The following TNFRSF9 variants were observed in gnomAD, a reference collection of about 807,000 sequenced individuals.
TNFRSF9 encodes the protein TNF receptor superfamily member 9.
TNFRSF9 carries 16 observed loss-of-function variants against 28.8 expected under a neutral mutation model. That is an observed-to-expected ratio of 0.55 (90% confidence interval 0.38 to 0.84). TNFRSF9 has a LOEUF of 0.84. Ranked by LOEUF, TNFRSF9 falls within the 40% of genes least tolerant of loss-of-function variation. The probability of loss-of-function intolerance (pLI) is 0.00; values close to 1 mark genes in which losing one functional copy is unlikely to be tolerated. For synonymous variants in TNFRSF9, 131 were observed against 117.0 expected, an observed-to-expected ratio of 1.12 and a Z score of -0.77; for missense variants, 303 against 315.0, an observed-to-expected ratio of 0.96 and a Z score of 0.29.
At chr1:7,939,763 A>G (rs1639874440) in intron 2 of TNFRSF9, 132 bp downstream of exon 2, 1 of 645,812 alleles carries the variant, frequency 1.5e-6, no homozygotes, top group South Asian at 2.7e-5. Context: ...GTAGCATCCA[A>G]TAAACATTTG....
chr1:7,933,978 T>C (rs924811370), intron 6 of TNFRSF9, among the ~76,000 whole-genome samples: 17 of 151,026 alleles, frequency 1.1e-4, no homozygotes, highest in African/African-American at 3.2e-4. Flanking sequence ...GATTGCGCCA[T>C]TGCACTCCAG....
rs986959716 is a variant in TNFRSF9 at position 7,920,753 on chromosome 1, CT to C, written c.*81del. 2 of 1,129,098 alleles carry C rather than the reference CT, an allele frequency of 1.8e-6. No individual in the cohort carries two copies. The highest frequency in any genetic ancestry group is 3.1e-5 in the African/African-American group (2 of 64,886). The allele number at this position is 1,129,098 out of a possible 1,614,324, so 69.9% of individuals were successfully genotyped here. On this transcript the variant is annotated 3_prime_UTR_variant, in exon 8 of 8. Transcript: ENST00000377507. Reference sequence around the variant, plus strand: ...GGTATTATGTAGGATGGTGTTCTTGCTTTTGAAAGCTGTGATAGCGGATGAC... The same window carrying C: ...GGTATTATGTAGGATGGTGTTCTTGCTTTGAAAGCTGTGATAGCGGATGAC...
chr1:7,934,795 G>C (rs1043549517), intron 6 of TNFRSF9, among the ~76,000 whole-genome samples: 1 of 152,204 alleles, frequency 6.6e-6, no homozygotes, highest in Non-Finnish European at 1.5e-5. Context: ...TATAGACTCT[G>C]TTTGGGTGAA....
chr1:7,935,091 C>A lies in TNFRSF9; in HGVS notation c.466G>T (p.Val156Leu). The A allele has an allele frequency of 1.2e-6, 2 of 1,614,220 alleles. No homozygotes were observed. The highest frequency in any genetic ancestry group is 1.7e-6 in the Non-Finnish European group (2 of 1,180,034). The stretch of plus-strand genomic sequence containing the variant: ...TCGGCTGGAGATGGTCCACAGACCA[C>A]GTCCCTCTCCTTCGTCCCATTCACA... ...VLVNGTKERD[V>L]VCGPSPADLS... The change falls in exon 6 of 8, where the codon GTG (valine) becomes TTG (leucine). Residue 156 changes from valine (V) to leucine (L), a missense_variant. By Grantham distance (32) the Val-to-Leu change is conservative (BLOSUM62 1). Transcript: ENST00000377507.
At position 7,918,550 on chromosome 1, in the gene TNFRSF9, A is replaced by G. The variant is rs1639512343; in HGVS notation, c.*2285T>C. 1 of 152,046 alleles carries G rather than the reference A, an allele frequency of 6.6e-6. No homozygotes were observed. The highest frequency in any genetic ancestry group is 1.5e-5 in the Non-Finnish European group (1 of 68,042). The allele number at this position is 152,046 out of a possible 1,614,324, so 9.4% of individuals were successfully genotyped here. ...CCCGGCTAATTTTTGTATTTTTTGT[A>G]AAGACAGGGTTTCGCCATGTTGCCA... is the stretch of plus-strand genomic sequence containing the variant. On this transcript the variant is annotated 3_prime_UTR_variant, in exon 8 of 8. Coordinates refer to ENST00000377507, the MANE Select transcript of TNFRSF9 (RefSeq NM_001561.6).
chr1:7,937,983 G>T (rs1639847322), intron 4 of TNFRSF9, among the ~76,000 whole-genome samples: 1 of 151,986 alleles, frequency 6.6e-6, no homozygotes, highest in African/African-American at 2.4e-5. Context: ...ATTAACAAAT[G>T]TTCTGATTTC....
At chr1:7,925,379 C>T (rs767593184) in intron 7 of TNFRSF9, among the ~76,000 whole-genome samples, 9 of 151,704 alleles carry the variant, frequency 5.9e-5, no homozygotes, top group Admixed American at 5.3e-4. Context: ...AGAAAGAGAA[C>T]ATTTTAAATA....
At chr1:7,940,549 C>T (rs771763494) in intron 1 of TNFRSF9, among the ~76,000 whole-genome samples, 65 of 152,200 alleles carry the variant, frequency 4.3e-4, no homozygotes, top group Non-Finnish European at 1.6e-4. Flanking sequence ...CCTCCCTGTT[C>T]AACTCACTAA....
chr1:7,940,057 A>G lies in TNFRSF9; in HGVS notation c.-63T>C. ...ATTCCAAGAGAATTTTAATCAAATTAGCTGGTCTCACAAATGTCACTCTGC... is the reference window on the plus strand; with the variant it reads ...ATTCCAAGAGAATTTTAATCAAATTGGCTGGTCTCACAAATGTCACTCTGC... On this transcript the variant is annotated 5_prime_UTR_variant, in exon 2 of 8. Coordinates refer to ENST00000377507, the MANE Select transcript of TNFRSF9 (RefSeq NM_001561.6). The G allele has an allele frequency of 8.2e-7, 1 of 1,221,770 alleles. No individual in the cohort carries two copies. The highest frequency in any genetic ancestry group is 1.2e-6 in the Non-Finnish European group (1 of 841,236). 75.7% of individuals were successfully genotyped at this position (1,221,770 alleles called of 1,614,324 possible).
At chr1:7,925,851 G>A (rs1167700974) in intron 7 of TNFRSF9, among the ~76,000 whole-genome samples, 1 of 152,106 alleles carries the variant, frequency 6.6e-6, no homozygotes, top group Non-Finnish European at 1.5e-5. Flanking sequence ...TCATGGGGAG[G>A]GGCTATAAAT....
chr1:7,925,638 G>A (rs1639640444), intron 7 of TNFRSF9, among the ~76,000 whole-genome samples: 1 of 152,256 alleles, frequency 6.6e-6, no homozygotes, highest in South Asian at 2.1e-4. Context: ...ATCAGTGGGA[G>A]CCCTGAGCTT....
Position 7,916,036 on chromosome 1 carries a change from A to G in TNFRSF9, c.*4799T>C, listed in dbSNP as rs1262118713. 2 of 152,160 alleles carry G rather than the reference A, an allele frequency of 1.3e-5. No homozygotes were observed. Among genetic ancestry groups the G allele is most frequent in the Non-Finnish European group, 2.9e-5 (2 of 68,024 alleles). 9.4% of individuals were successfully genotyped at this position (152,160 alleles called of 1,614,324 possible). ...TGGGCACCTCTCACCCACAGATGGA[A>G]ACATCTTCCTGTGGGGGAAGATGCC... is the stretch of plus-strand genomic sequence containing the variant. On this transcript the variant is annotated 3_prime_UTR_variant, in exon 8 of 8. Transcript: ENST00000377507.
chr1:7,920,746 G>A lies in TNFRSF9; in HGVS notation c.*89C>T. ...AATCCTGGGTATTATGTAGGATGGTGTTCTTGCTTTTGAAAGCTGTGATAG... is the reference window on the plus strand; with the variant it reads ...AATCCTGGGTATTATGTAGGATGGTATTCTTGCTTTTGAAAGCTGTGATAG... On this transcript the variant is annotated 3_prime_UTR_variant, in exon 8 of 8. Coordinates refer to ENST00000377507, the MANE Select transcript of TNFRSF9 (RefSeq NM_001561.6). 3 of 1,043,264 alleles carry A rather than the reference G, an allele frequency of 2.9e-6. No homozygotes were observed. Among genetic ancestry groups the A allele is most frequent in the South Asian group, 2.6e-5 (2 of 77,356 alleles). 64.6% of individuals were successfully genotyped at this position (1,043,264 alleles called of 1,614,324 possible).
chr1:7,930,114 C>T (rs972153695), intron 7 of TNFRSF9, among the ~76,000 whole-genome samples: 4 of 151,886 alleles, frequency 2.6e-5, no homozygotes, highest in African/African-American at 7.3e-5. Context: ...GGATTACAGG[C>T]ATGCACCACC....
In TNFRSF9 at chr1:7,920,304, CTT is replaced by C. The variant is rs33970118; in HGVS notation, c.*529_*530del. 1,383 of 127,514 alleles carry C rather than the reference CTT, an allele frequency of 0.011. 25 individuals are homozygous for C. The highest frequency in any genetic ancestry group is 0.035 in the African/African-American group (1,179 of 33,812). 7.9% of individuals were successfully genotyped at this position (127,514 alleles called of 1,614,324 possible). The stretch of plus-strand genomic sequence containing the variant: ...CCTGTTAAGTGGTATCTAGAAAATG[CTT>C]TTTTTTTTTTTTTTTTATCACCAGC... On this transcript the variant is annotated 3_prime_UTR_variant, in exon 8 of 8. Coordinates refer to ENST00000377507, the MANE Select transcript of TNFRSF9 (RefSeq NM_001561.6).
rs1404705615 is a variant in TNFRSF9, at chr1:7,918,146, GC to G, written c.*2688del. ...TTACAGGCACCCGCCACCATACCCAGCTAAGTTTTGTACATGTTTAGTAGAG... is the reference window on the plus strand; with the variant it reads ...TTACAGGCACCCGCCACCATACCCAGTAAGTTTTGTACATGTTTAGTAGAG... On this transcript the variant is annotated 3_prime_UTR_variant, in exon 8 of 8. Coordinates refer to ENST00000377507, the MANE Select transcript of TNFRSF9 (RefSeq NM_001561.6). 6.6e-6 allele frequency: 1 copy of G among 151,918 alleles called. No individual in the cohort carries two copies. Among genetic ancestry groups the G allele is most frequent in the Non-Finnish European group, 1.5e-5 (1 of 67,996 alleles). 9.4% of individuals were successfully genotyped at this position (151,918 alleles called of 1,614,324 possible).
chr1:7,938,442 G>A, intron 3 of TNFRSF9, 112 bp from the exon 4 acceptor site: 1 of 1,209,074 alleles, frequency 8.3e-7, no homozygotes, highest in Non-Finnish European at 1.1e-6. Flanking sequence ...AGTGTTCCCA[G>A]TAATTTTAAA....
chr1:7,939,058 G>A (rs1012260178), intron 2 of TNFRSF9, among the ~76,000 whole-genome samples: 45 of 152,022 alleles, frequency 3.0e-4, no homozygotes, highest in African/African-American at 9.2e-4. Flanking sequence ...AGTGGCTCAC[G>A]CCTGTAATCA....
chr1:7,926,331 T>C (rs186433266), intron 7 of TNFRSF9, among the ~76,000 whole-genome samples: 3 of 152,318 alleles, frequency 2.0e-5, no homozygotes, highest in Non-Finnish European at 4.4e-5. Context: ...ATAGGAGGGA[T>C]AGGCTATACC....
Sources: gnomAD v4.1 joint callset for allele counts (sites outside exome capture counted in the v4.1 genomes callset) on GRCh38, gnomAD v4.1.1 for gene constraint, MANE v1.5 for transcripts, NCBI Gene and HGNC (gene_info 2026-07-23, HGNC 2026-07-21) for gene names.